MPHOSPH6: variants seen among roughly 807,000 people sequenced by gnomAD.
The protein encoded by MPHOSPH6 is M-phase phosphoprotein 6.
Under a neutral mutation model 21.8 loss-of-function variants are expected in MPHOSPH6, and 25 were observed. The ratio of observed to expected loss-of-function variants is 1.15; its 90% CI spans 0.83 to 1.60. MPHOSPH6 has a LOEUF of 1.60. MPHOSPH6 is among the 40% of genes most tolerant of loss of function. MPHOSPH6 has a pLI of 0.00. For synonymous variants in MPHOSPH6, 84 were observed against 56.5 expected (o/e 1.49, Z -2.18); for missense variants, 269 against 181.8 (o/e 1.48, Z -2.76).
At chr16:82,156,313 C>T (rs74249008) in intron 2 of MPHOSPH6, among the ~76,000 whole-genome samples, 18,308 of 152,014 alleles carry the variant, frequency 0.12, 1,305 homozygotes, top group East Asian at 0.29. Flanking sequence ...GTGCATGCTG[C>T]AATATTTCAG....
At chr16:82,157,169 TAG>T (rs1906454280) in intron 2 of MPHOSPH6, among the ~76,000 whole-genome samples, 1 of 152,282 alleles carries the variant, frequency 6.6e-6, no homozygotes, top group African/African-American at 2.4e-5. Flanking sequence ...GAGATGCCAC[TAG>T]AATAAAATTA....
chr16:82,156,023 T>A lies in MPHOSPH6; in HGVS notation c.165-4509A>T, dbSNP rs191702124. 2.8e-4 allele frequency among the ~76,000 whole-genome samples: 43 copies of A among 152,224 alleles called. 1 individual carries two copies. The highest frequency in any genetic ancestry group is 2.4e-3 in the Admixed American group (36 of 15,302). ...AAACCATGGATAAAAATGTCAGCAC[T>A]ATAACTACAAAATTTCTAGAAGAAA... is the stretch of plus-strand genomic sequence containing the variant. On this transcript the variant is annotated intron_variant, in intron 2 of 4. Coordinates refer to ENST00000258169, the MANE Select transcript of MPHOSPH6 (RefSeq NM_005792.2).
chr16:82,167,328 G>C, intron 1 of MPHOSPH6, among the ~76,000 whole-genome samples: 1 of 152,132 alleles, frequency 6.6e-6, no homozygotes, highest in East Asian at 1.9e-4. Flanking sequence ...AAGTGAGTCA[G>C]GATTAAATCC....
At position 82,148,550 on chromosome 16, in the gene MPHOSPH6, A is replaced by G; in HGVS notation, c.*181T>C. 1 of 695,430 alleles carries G rather than the reference A, an allele frequency of 1.4e-6. No homozygotes were observed. The highest frequency in any genetic ancestry group is 2.2e-6 in the Non-Finnish European group (1 of 464,162). The allele number at this position is 695,430 out of a possible 1,614,324, so 43.1% of individuals were successfully genotyped here. ...AATCCACTCTGAATGAATACCAAGA[A>G]GCAAAGGATGTACAACATCCATCAC... On this transcript the variant is annotated 3_prime_UTR_variant, in exon 5 of 5. Transcript: ENST00000258169.
intron 2 of MPHOSPH6, among the ~76,000 whole-genome samples, chr16:82,158,426 G>A (rs1597162232): frequency 6.6e-6 from 1 of 150,792 alleles, no homozygotes; most frequent in Non-Finnish European, 1.5e-5. Context: ...GTGAACCCGG[G>A]AGGTGGAGTT....
chr16:82,165,212 C>G (rs1906734720), intron 1 of MPHOSPH6, among the ~76,000 whole-genome samples: 1 of 143,472 alleles, frequency 7.0e-6, no homozygotes, highest in South Asian at 2.2e-4. Context: ...ACTGCAACCT[C>G]TGCCTCCTAG....
intron 4 of MPHOSPH6, 82 bp downstream of exon 4, chr16:82,149,227 C>G (rs11859599): frequency 0.79 from 1,103,289 of 1,394,774 alleles, 437,807 homozygotes; most frequent in African/African-American, 0.9. Flanking sequence ...AGCTGCCGTG[C>G]ACTGTGGGGT....
At chr16:82,164,348 T>C (rs1211444248) in intron 1 of MPHOSPH6, among the ~76,000 whole-genome samples, 154 bp from the exon 2 acceptor site, 1 of 152,234 alleles carries the variant, frequency 6.6e-6, no homozygotes, top group Non-Finnish European at 1.5e-5. Flanking sequence ...ACGGTTTAGC[T>C]CTACCCTTCC....
rs185021910 is a variant in MPHOSPH6, at chr16:82,160,833, C to A, written c.164+3249G>T. On this transcript the variant is annotated intron_variant, in intron 2 of 4. Transcript: ENST00000258169. ...TCCCAAAATATGGCATCTTGGCATA[C>A]TGAAAATTTTACACTGGAGGAATCT... is the stretch of plus-strand genomic sequence containing the variant. Among the ~76,000 whole-genome samples, 216 of 152,248 alleles carry A rather than the reference C, an allele frequency of 1.4e-3. 1 individual carries two copies. Among genetic ancestry groups the A allele is most frequent in the Middle Eastern group, 3.4e-3 (1 of 294 alleles).
chr16:82,170,177 G>A lies in MPHOSPH6; in HGVS notation c.-2C>T, dbSNP rs976210456. The A allele has an allele frequency of 1.9e-6, 3 of 1,588,888 alleles. No individual in the cohort carries two copies. Among genetic ancestry groups the A allele is most frequent in the Non-Finnish European group, 2.6e-6 (3 of 1,168,732 alleles). On this transcript the variant is annotated 5_prime_UTR_variant, in exon 1 of 5. Transcript: ENST00000258169. ...CCTTGTCTTTCGCTCGGCCGCCATG[G>A]TAGCTTCCGCCCAGCGCCGCACTCC...
At position 82,170,195 on chromosome 16, in the gene MPHOSPH6, C is replaced by T. The variant is rs1286161162; in HGVS notation, c.-20G>A. On this transcript the variant is annotated 5_prime_UTR_variant, in exon 1 of 5. Transcript: ENST00000258169. ...CGCCATGGTAGCTTCCGCCCAGCGC[C>T]GCACTCCGGCCGCGAGCCTCACCGC... is the stretch of plus-strand genomic sequence containing the variant. 1 of 1,566,020 alleles carries T rather than the reference C, an allele frequency of 6.4e-7. No homozygotes were observed. The highest frequency in any genetic ancestry group is 8.6e-7 in the Non-Finnish European group (1 of 1,159,100).
chr16:82,165,129 TTTTA>T lies in MPHOSPH6; in HGVS notation c.52-939_52-936del, dbSNP rs1370462960. ...TCCGATATTTCTTTTTTATTTTTTTTTTTATTTTTTTTTTTTGAGACAGAGTCTC... is the reference window on the plus strand; with the variant it reads ...TCCGATATTTCTTTTTTATTTTTTTTTTTTTTTTTTTTGAGACAGAGTCTC... On this transcript the variant is annotated intron_variant, in intron 1 of 4. Coordinates refer to ENST00000258169, the MANE Select transcript of MPHOSPH6 (RefSeq NM_005792.2). Among the ~76,000 whole-genome samples, 64 of 88,946 alleles carry T rather than the reference TTTTA, an allele frequency of 7.2e-4. 13 individuals are homozygous for T. The highest frequency in any genetic ancestry group is 9.8e-4 in the Non-Finnish European group (48 of 48,944). The allele number at this position is 88,946 out of a possible 152,430, so 58.4% of individuals were successfully genotyped here.
chr16:82,167,851 C>A (rs1311904979), intron 1 of MPHOSPH6, among the ~76,000 whole-genome samples: 2 of 152,188 alleles, frequency 1.3e-5, no homozygotes, highest in African/African-American at 4.8e-5. Flanking sequence ...CTGTTCCTTA[C>A]AGGTCATGGA....
rs528737121 is a variant in MPHOSPH6, at chr16:82,162,665, AG to A, written c.164+1416del. Among the ~76,000 whole-genome samples the A allele has an allele frequency of 2.0e-5, 3 of 152,252 alleles. No homozygotes were observed. The East Asian group carries it at 5.8e-4, about 29-fold the overall frequency. Reference sequence around the variant, plus strand: ...TGCTAGGAGGTGCTGCACTGCCCCGAGGGGCCCCCCTATGCCCCACCCACAC... The same window carrying A: ...TGCTAGGAGGTGCTGCACTGCCCCGAGGGCCCCCCTATGCCCCACCCACAC... On this transcript the variant is annotated intron_variant, in intron 2 of 4. Coordinates refer to ENST00000258169, the MANE Select transcript of MPHOSPH6 (RefSeq NM_005792.2).
At chr16:82,166,021 C>A (rs75041660) in intron 1 of MPHOSPH6, among the ~76,000 whole-genome samples, 2,831 of 152,290 alleles carry the variant, frequency 0.019, 103 homozygotes, top group African/African-American at 0.064. Flanking sequence ...ACTAAACATA[C>A]ACTTACCATA....
chr16:82,154,357 C>T (rs1378601467), intron 2 of MPHOSPH6, among the ~76,000 whole-genome samples: 1 of 152,160 alleles, frequency 6.6e-6, no homozygotes, highest in African/African-American at 2.4e-5. Context: ...CAAAATTCAA[C>T]ACTCTATTAA....
chr16:82,165,077 AT>A (rs1366934625), intron 1 of MPHOSPH6: 2 of 134,704 alleles, frequency 1.5e-5, no homozygotes, highest in African/African-American at 5.6e-5. Flanking sequence ...GTTTCTATGT[AT>A]CCCCCATTTC....
At chr16:82,164,666 C>T (rs963490917) in intron 1 of MPHOSPH6, 1 of 153,668 alleles carries the variant, frequency 6.5e-6, no homozygotes, top group Admixed American at 6.5e-5. Context: ...TCTGAACTTT[C>T]TGAGCATCTA....
intron 2 of MPHOSPH6, among the ~76,000 whole-genome samples, chr16:82,162,593 C>T (rs1412409467): frequency 1.3e-5 from 2 of 152,194 alleles, no homozygotes; most frequent in Non-Finnish European, 2.9e-5. Context: ...ATTCCCCACC[C>T]ACCCGTTGAC....
Sources: allele counts gnomAD v4.1 joint callset (sites outside exome capture counted in the v4.1 genomes callset), GRCh38; gene constraint gnomAD v4.1.1; transcripts MANE v1.5; gene names NCBI Gene and HGNC (gene_info 2026-07-23, HGNC 2026-07-21).